The following GALNT9 variants were observed in gnomAD, a reference collection of about 807,000 sequenced individuals.
The protein encoded by GALNT9 is polypeptide N-acetylgalactosaminyltransferase 9.
In GALNT9, 47 loss-of-function variants were observed where a neutral mutation model predicts 63.1. The observed-to-expected ratio is 0.75, with a 90% CI of 0.59 to 0.95. GALNT9 has a LOEUF of 0.95. Among genes scored for constraint, GALNT9 ranks in the 40% least tolerant of loss-of-function variants. The probability of loss-of-function intolerance (pLI) is 0.00; values close to 1 mark genes in which losing one functional copy is unlikely to be tolerated. For synonymous variants in GALNT9, 396 were observed against 365.7 expected, an observed-to-expected ratio of 1.08 and a Z score of -0.94; for missense variants, 829 against 874.8, an observed-to-expected ratio of 0.95 and a Z score of 0.66.
At chr12:132,257,531 T>C (rs1593088097) in intron 5 of GALNT9, among the ~76,000 whole-genome samples, 158 bp downstream of exon 5, 1 of 99,332 alleles carries the variant, frequency 1.0e-5, no homozygotes, top group African/African-American at 4.3e-5. Flanking sequence ...TCCCCGGCCC[T>C]CATCCCCACG....
At chr12:132,302,052 G>A (rs1460575564) in intron 1 of GALNT9, among the ~76,000 whole-genome samples, 2 of 152,164 alleles carry the variant, frequency 1.3e-5, no homozygotes, top group Non-Finnish European at 2.9e-5. Flanking sequence ...GCTTATTTCA[G>A]AAATTGAACC....
chr12:132,214,650 C>T (rs1206174943), intron 6 of GALNT9, among the ~76,000 whole-genome samples: 1 of 152,250 alleles, frequency 6.6e-6, no homozygotes, highest in Non-Finnish European at 1.5e-5. Context: ...TTCCTGGCCA[C>T]ATCCCCCTCA....
At chr12:132,228,850 T>C (rs1877797617) in intron 6 of GALNT9, among the ~76,000 whole-genome samples, 1 of 152,212 alleles carries the variant, frequency 6.6e-6, no homozygotes, top group African/African-American at 2.4e-5. Context: ...ATGGACTCAT[T>C]TTCCTCTAAC....
chr12:132,298,644 A>T lies in GALNT9; in HGVS notation c.239-12214T>A, dbSNP rs535530914. Among the ~76,000 whole-genome samples the T allele has an allele frequency of 2.8e-3, 430 of 151,818 alleles. 1 individual carries two copies. Among genetic ancestry groups the T allele is most frequent in the African/African-American group, 0.01 (413 of 41,250 alleles). The stretch of plus-strand genomic sequence containing the variant: ...CTGAGATAACCAAGCCACTCCTGAG[A>T]TAACTCACTCCCATAACTAACCCAC... On this transcript the variant is annotated intron_variant, in intron 1 of 10. Coordinates refer to ENST00000328957, the MANE Select transcript of GALNT9 (RefSeq NM_001122636.2).
At chr12:132,314,967 CG>C (rs1566022879) in intron 1 of GALNT9, among the ~76,000 whole-genome samples, 1 of 152,196 alleles carries the variant, frequency 6.6e-6, no homozygotes, top group Non-Finnish European at 1.5e-5. Flanking sequence ...GACCGGGTGC[CG>C]GGCGCTGCTC....
chr12:132,209,759 C>T (rs1876877277), intron 6 of GALNT9, among the ~76,000 whole-genome samples: 1 of 152,176 alleles, frequency 6.6e-6, no homozygotes, highest in Admixed American at 6.5e-5. Context: ...GGGTGGAGCC[C>T]TCAGTTCGGG....
chr12:132,196,472 C>T lies in GALNT9; in HGVS notation c.*635G>A, dbSNP rs191551041. ...GGAAAGAGGTGGGACCGGGCCCCAA[C>T]CCCCAGCTCGGCTCCCAGGAAGACA... On this transcript the variant is annotated 3_prime_UTR_variant, in exon 11 of 11. Coordinates refer to ENST00000328957, the MANE Select transcript of GALNT9 (RefSeq NM_001122636.2). 3.4e-5 allele frequency: 34 copies of T among 985,524 alleles called. No individual in the cohort carries two copies. The highest frequency in any genetic ancestry group is 4.8e-6 in the Non-Finnish European group (4 of 830,004). The allele number at this position is 985,524 out of a possible 1,614,324, so 61.0% of individuals were successfully genotyped here. A position where few individuals can be genotyped will look rare whatever the true frequency, so the allele number is the denominator to read the frequency against.
chr12:132,230,342 C>T (rs1386230607), intron 6 of GALNT9, among the ~76,000 whole-genome samples: 2 of 152,236 alleles, frequency 1.3e-5, no homozygotes, highest in African/African-American at 4.8e-5. Flanking sequence ...ATGAAACAGT[C>T]ACTTTAAGCC....
At chr12:132,283,729 C>G (rs559890614) in intron 2 of GALNT9, 1 of 148,154 alleles carries the variant, frequency 6.7e-6, no homozygotes, top group Non-Finnish European at 1.5e-5. Flanking sequence ...ACATGGGTGC[C>G]GGAGAATCAA....
intron 1 of GALNT9, among the ~76,000 whole-genome samples, chr12:132,294,304 C>T (rs1238695132): frequency 1.3e-5 from 2 of 152,264 alleles, no homozygotes; most frequent in Non-Finnish European, 2.9e-5. Context: ...GCCTGTGCCC[C>T]TGAGGCCCAG....
intron 1 of GALNT9, among the ~76,000 whole-genome samples, chr12:132,312,654 G>A (rs1400684121): frequency 6.6e-6 from 1 of 152,232 alleles, no homozygotes; most frequent in African/African-American, 2.4e-5. Context: ...GTCAAAGACA[G>A]GAGGAGACCT....
intron 6 of GALNT9, among the ~76,000 whole-genome samples, chr12:132,240,098 G>T (rs2136897779): frequency 6.6e-6 from 1 of 152,324 alleles, no homozygotes; most frequent in South Asian, 2.1e-4. Flanking sequence ...GGGCCTATCA[G>T]GATGTGTGGT....
intron 2 of GALNT9, among the ~76,000 whole-genome samples, chr12:132,272,082 G>C (rs782427544): frequency 7.2e-5 from 11 of 152,214 alleles, no homozygotes; most frequent in Admixed American, 1.3e-4. Context: ...GCCCCGCCCG[G>C]CTCCCCCAAC....
At position 132,265,354 on chromosome 12, in the gene GALNT9, C is replaced by G. The variant is rs1241897071; in HGVS notation, c.420-2729G>C. Among the ~76,000 whole-genome samples, 2 of 152,188 alleles carry G rather than the reference C, an allele frequency of 1.3e-5. No individual in the cohort carries two copies. The highest frequency in any genetic ancestry group is 2.9e-5 in the Non-Finnish European group (2 of 68,046). ...GCTGAACGGTGTCCTCCTCCCGCGA[C>G]CCAAGACACAGTGTCAGCAGGACAT... On this transcript the variant is annotated intron_variant, in intron 2 of 10. Transcript: ENST00000328957. This position sits in a 1 kb window ranked among gnomAD's most constrained non-coding sequence, Gnocchi z 5.3.
chr12:132,199,538 C>T (rs1045062207), intron 8 of GALNT9, among the ~76,000 whole-genome samples: 1 of 152,150 alleles, frequency 6.6e-6, no homozygotes, highest in Non-Finnish European at 1.5e-5. Flanking sequence ...GGACGACGGC[C>T]CCAGGCTGTG....
At chr12:132,258,572 G>A (rs797026158) in intron 4 of GALNT9, among the ~76,000 whole-genome samples, 28 of 152,352 alleles carry the variant, frequency 1.8e-4, no homozygotes, top group African/African-American at 6.0e-4. Context: ...GTGACTGGAA[G>A]GAGGCATAGA....
intron 1 of GALNT9, among the ~76,000 whole-genome samples, chr12:132,305,155 G>A (rs185016693): frequency 1.8e-3 from 30 of 16,868 alleles, no homozygotes; most frequent in South Asian, 0.011. Flanking sequence ...GCACACCCTC[G>A]CCTGGGCACA....
chr12:132,263,671 C>T (rs1485488575), intron 2 of GALNT9, among the ~76,000 whole-genome samples: 6 of 152,202 alleles, frequency 3.9e-5, no homozygotes, highest in East Asian at 1.9e-4. Context: ...CCTTTTCTGT[C>T]CCATTGACAG....
intron 3 of GALNT9, among the ~76,000 whole-genome samples, chr12:132,262,199 G>C (rs953871071): frequency 2.6e-5 from 4 of 152,206 alleles, no homozygotes; most frequent in Non-Finnish European, 5.9e-5. Flanking sequence ...CTCATGAGAA[G>C]AAGAGAGGAT....
Sources: gnomAD v4.1 joint callset for allele counts (sites outside exome capture counted in the v4.1 genomes callset) on GRCh38, gnomAD v4.1.1 for gene constraint, Gnocchi (gnomAD v3.1) non-coding constraint, MANE v1.5 for transcripts, NCBI Gene and HGNC (gene_info 2026-07-23, HGNC 2026-07-21) for gene names.